EMG1: variants seen among roughly 807,000 people sequenced by gnomAD.
EMG1 encodes ribosomal RNA small subunit methyltransferase NEP1.
EMG1 carries 24 observed loss-of-function variants against 26.9 expected under a neutral mutation model. That is an observed-to-expected ratio of 0.89 (90% confidence interval 0.65 to 1.26). EMG1 has a LOEUF of 1.26. Among genes scored for constraint, EMG1 ranks in the 50% most tolerant of loss-of-function variants. The pLI is 0.00. For synonymous variants in EMG1, 140 were observed against 112.6 expected (o/e 1.24, Z -1.54); for missense variants, 299 against 307.6 (o/e 0.97, Z 0.21).
Position 6,979,797 on chromosome 12 carries a change from A to T in EMG1, c.*3988A>T. 1.7e-6 allele frequency: 1 copy of T among 573,532 alleles called. No individual in the cohort carries two copies. Among genetic ancestry groups the T allele is most frequent in the East Asian group, 2.9e-5 (1 of 34,368 alleles). The allele number at this position is 573,532 out of a possible 1,614,324, so 35.5% of individuals were successfully genotyped here. A position where few individuals can be genotyped will look rare whatever the true frequency, so the allele number is the denominator to read the frequency against. On this transcript the variant is annotated 3_prime_UTR_variant, in exon 6 of 6. Transcript: ENST00000599672. ...GCAAACCTCTTAAGAGTTGTAGGAA[A>T]GTCAGGGCAGCAGACAGTGGACCAG... is the stretch of plus-strand genomic sequence containing the variant.
Position 6,970,947 on chromosome 12 carries a change from C to A in EMG1, c.24C>A (p.Phe8Leu), listed in dbSNP as rs782550075. The A allele has an allele frequency of 6.2e-7, 1 of 1,613,142 alleles. No homozygotes were observed. The highest frequency in any genetic ancestry group is 2.2e-5 in the East Asian group (1 of 44,846). Residue 8 changes from phenylalanine to leucine, a missense_variant, in exon 1 of 6, where the codon TTC (phenylalanine) becomes TTA (leucine). By Grantham distance (22) the Phe-to-Leu change is conservative. Coordinates refer to ENST00000599672, the MANE Select transcript of EMG1 (RefSeq NM_006331.8). ...AGATGGCCGCGCCCAGTGATGGATTCAAGCCTCGTGAACGAAGCGGTGGGG... is the reference window on the plus strand; with the variant it reads ...AGATGGCCGCGCCCAGTGATGGATTAAAGCCTCGTGAACGAAGCGGTGGGG... MAAPSDGFKPRERSGGEQ... is the reference protein window; with the variant it reads MAAPSDGLKPRERSGGEQ...
At chr12:6,996,549 C>A (rs1946637335) in intron 7 of EMG1, among the ~76,000 whole-genome samples, 1 of 152,214 alleles carries the variant, frequency 6.6e-6, no homozygotes, top group Admixed American at 6.5e-5. Flanking sequence ...GTTCCTGGTA[C>A]ACAAAATTTC....
chr12:6,986,795 CAAAAAAA>C lies in EMG1; in HGVS notation c.*155-968_*155-962del, dbSNP rs1157395768. On this transcript the variant is annotated intron_variant and NMD_transcript_variant, in intron 6 of 7. Transcript: ENST00000261406. Reference sequence around the variant, plus strand: ...CTGGTGACAGAGTGAGACTCTGTCTCAAAAAAAAAAAAAAAAAAAAAAAAAGTTACAC... The same window carrying C: ...CTGGTGACAGAGTGAGACTCTGTCTCAAAAAAAAAAAAAAAAAAGTTACAC... Among the ~76,000 whole-genome samples the C allele has an allele frequency of 6.2e-3, 211 of 33,908 alleles. 2 individuals carry two copies. The highest frequency in any genetic ancestry group is 0.022 in the African/African-American group (201 of 9,036). The allele number at this position is 33,908 out of a possible 152,430, so 22.2% of individuals were successfully genotyped here.
At position 6,971,085 on chromosome 12, in the gene EMG1, A is replaced by G. The variant is rs782611143; in HGVS notation, c.162A>G (p.Thr54=). ...IVVLEGASLE[T]VKVGKTYELL... ...TGCTGGAAGGGGCCAGTCTGGAGAC[A>G]GTCAAGGTAGTTTGGGACAGGAAGT... The change falls in exon 1 of 6, where the codon ACA becomes ACG. Residue 54 remains threonine (T), a synonymous_variant. Coordinates refer to ENST00000599672, the MANE Select transcript of EMG1 (RefSeq NM_006331.8). 7 of 1,610,106 alleles carry G rather than the reference A, an allele frequency of 4.3e-6. No homozygotes were observed. The highest frequency in any genetic ancestry group is 1.1e-5 in the South Asian group (1 of 90,230).
At position 6,979,366 on chromosome 12, in the gene EMG1, C is replaced by G. The variant is rs782449389; in HGVS notation, c.*3557C>G. 4 of 833,214 alleles carry G rather than the reference C, an allele frequency of 4.8e-6. No individual in the cohort carries two copies. The South Asian group carries it at 6.3e-5, about 13-fold the overall frequency. The allele number at this position is 833,214 out of a possible 1,614,324, so 51.6% of individuals were successfully genotyped here. A position where few individuals can be genotyped will look rare whatever the true frequency, so the allele number is the denominator to read the frequency against. On this transcript the variant is annotated 3_prime_UTR_variant, in exon 6 of 6. Coordinates refer to ENST00000599672, the MANE Select transcript of EMG1 (RefSeq NM_006331.8). ...AGATCTAGAGCAAAACCAACATGCA[C>G]TTGTAGATGATATTTCCTACTTCTC...
chr12:6,985,323 G>T (rs1367317769), intron 6 of EMG1, among the ~76,000 whole-genome samples: 1 of 151,900 alleles, frequency 6.6e-6, no homozygotes, highest in Non-Finnish European at 1.5e-5. Context: ...ATGAACACGG[G>T]AGGCGGAGCT....
At chr12:6,980,750 G>C (rs1357078350), downstream of EMG1, 27 of 329,690 alleles carry the variant, frequency 8.2e-5, no homozygotes, top group Non-Finnish European at 1.6e-5. Context: ...AGGCAGAAAT[G>C]TGACTGGTTC....
intron 7 of EMG1, chr12:6,997,084 T>C (rs1295728301): frequency 2.0e-5 from 3 of 152,242 alleles, no homozygotes; most frequent in Non-Finnish European, 2.9e-5. Context: ...ACTGATATAA[T>C]GGTCTTCAGG....
downstream of EMG1, among the ~76,000 whole-genome samples, chr12:6,988,990 G>T (rs954740803): frequency 3.3e-5 from 5 of 151,998 alleles, no homozygotes; most frequent in Admixed American, 1.3e-4. Flanking sequence ...GCTGGGCGTG[G>T]TAGTGCATGC....
At chr12:6,972,961 CTGAG>C (rs1946350923) in intron 1 of EMG1, among the ~76,000 whole-genome samples, 1 of 151,782 alleles carries the variant, frequency 6.6e-6, no homozygotes, top group African/African-American at 2.4e-5. Context: ...CCTCATCCTC[CTGAG>C]TAACTGGGAC....
Position 6,975,340 on chromosome 12 carries a change from C to A in EMG1, c.583C>A (p.Pro195Thr), listed in dbSNP as rs1555152980. 3 of 1,606,660 alleles carry A rather than the reference C, an allele frequency of 1.9e-6. No individual in the cohort carries two copies. The Admixed American group carries it at 5.1e-5, about 27-fold the overall frequency. ...DVRELVPSSD[P>T]IVFVVGAFAH... ...GCGTGAGCTGGTGCCCAGCAGTGAT[C>A]CTATTGTTTTTGTGGTAGGGGCCTT... Residue 195 changes from proline (P) to threonine (T), a missense_variant, in exon 5 of 6, where the codon CCT (proline) becomes ACT (threonine). By Grantham distance (38) the Pro-to-Thr change is conservative. Coordinates refer to ENST00000599672, the MANE Select transcript of EMG1 (RefSeq NM_006331.8).
chr12:6,990,931 A>G (rs1288645029), downstream of EMG1, among the ~76,000 whole-genome samples: 14 of 151,240 alleles, frequency 9.3e-5, no homozygotes, highest in Non-Finnish European at 8.8e-5. Context: ...AAAAAAAAAA[A>G]AGGAAGAAAA....
At chr12:6,991,680 T>C (rs1222487205), downstream of EMG1, among the ~76,000 whole-genome samples, 1 of 152,234 alleles carries the variant, frequency 6.6e-6, no homozygotes, top group Non-Finnish European at 1.5e-5. Flanking sequence ...GCTCACTTCA[T>C]ACAGTTTCAA....
chr12:6,989,671 G>A (rs782358118), downstream of EMG1, among the ~76,000 whole-genome samples: 51 of 152,168 alleles, frequency 3.4e-4, 1 homozygote, highest in Admixed American at 1.6e-3. Context: ...TTGTAGTCAA[G>A]CACAGGGAGT....
chr12:6,986,372 T>TA (rs1157642901), intron 6 of EMG1, among the ~76,000 whole-genome samples: 18 of 152,218 alleles, frequency 1.2e-4, no homozygotes, highest in Non-Finnish European at 1.5e-5. Flanking sequence ...TTCTTTTCTA[T>TA]AGTTTACTTT....
At chr12:6,992,093 G>A (rs1555155545), downstream of EMG1, among the ~76,000 whole-genome samples, 1 of 151,946 alleles carries the variant, frequency 6.6e-6, no homozygotes, top group Non-Finnish European at 1.5e-5. Flanking sequence ...ATTTATTCAA[G>A]GACTGACATT....
In EMG1 at chr12:6,975,215, C is replaced by T. The variant is rs1555152936; in HGVS notation, c.472-14C>T. 1.9e-6 allele frequency: 3 copies of T among 1,613,796 alleles called. No homozygotes were observed. The South Asian group carries it at 3.3e-5, about 18-fold the overall frequency. ...ATGTTTCTGGGGCTGACTTTTCTCT[C>T]TTTTTTACTTTAGGTAATTAAGAAT... On this transcript the variant is annotated splice_polypyrimidine_tract_variant and intron_variant, in intron 4 of 5. Coordinates refer to ENST00000599672, the MANE Select transcript of EMG1 (RefSeq NM_006331.8).
In EMG1 at chr12:6,979,385, A is replaced by G; in HGVS notation, c.*3576A>G. 1.0e-6 allele frequency: 1 copy of G among 980,124 alleles called. No individual in the cohort carries two copies. The highest frequency in any genetic ancestry group is 2.4e-5 in the East Asian group (1 of 41,242). The allele number at this position is 980,124 out of a possible 1,614,324, so 60.7% of individuals were successfully genotyped here. On this transcript the variant is annotated 3_prime_UTR_variant, in exon 6 of 6. Coordinates refer to ENST00000599672, the MANE Select transcript of EMG1 (RefSeq NM_006331.8). ...CATGCACTTGTAGATGATATTTCCT[A>G]CTTCTCTGCTATCTGTAGGGATCCT... is the stretch of plus-strand genomic sequence containing the variant.
chr12:6,977,610 A>G lies in EMG1; in HGVS notation c.*1801A>G. 6.2e-7 allele frequency: 1 copy of G among 1,614,182 alleles called. No individual in the cohort carries two copies. The highest frequency in any genetic ancestry group is 8.5e-7 in the Non-Finnish European group (1 of 1,180,030). ...CCTGGAGGCCTACCTGTCTTTCCAC[A>G]ATAACAATGAGGAATTCCATCTGGA... is the stretch of plus-strand genomic sequence containing the variant. On this transcript the variant is annotated 3_prime_UTR_variant, in exon 6 of 6. Transcript: ENST00000599672. This position sits in a 1 kb window ranked among gnomAD's most constrained non-coding sequence, Gnocchi z 4.5.
Sources: allele counts gnomAD v4.1 joint callset (sites outside exome capture counted in the v4.1 genomes callset), GRCh38; gene constraint gnomAD v4.1.1; non-coding constraint Gnocchi (gnomAD v3.1); transcripts MANE v1.5; gene names NCBI Gene and HGNC (gene_info 2026-07-23, HGNC 2026-07-21).